The following MECOM variants were observed in gnomAD, a reference collection of about 807,000 sequenced individuals.
The protein encoded by MECOM is histone-lysine N-methyltransferase MECOM.
Under a neutral mutation model 116.3 loss-of-function variants are expected in MECOM, and 13 were observed. The observed-to-expected ratio is 0.11, with a 90% CI of 0.07 to 0.18. MECOM has a LOEUF of 0.18. Ranked by LOEUF, MECOM falls within the 10% of genes least tolerant of loss-of-function variation. The pLI, the probability that MECOM is intolerant of heterozygous loss-of-function variation, is 1.00. For missense variants in MECOM, 1,299 were observed against 1,509.0 expected (o/e 0.86, Z 2.31); for synonymous variants, 528 against 535.2 (o/e 0.99, Z 0.19).
At chr3:169,095,417 G>A (rs1576866450) in intron 12 of MECOM, among the ~76,000 whole-genome samples, 172 bp from the exon 13 acceptor site, 1 of 152,094 alleles carries the variant, frequency 6.6e-6, no homozygotes. Context: ...TACTCTGATT[G>A]CTTTAAAGAC....
At chr3:169,423,905 A>G (rs540473693) in intron 1 of MECOM, among the ~76,000 whole-genome samples, 1 of 152,274 alleles carries the variant, frequency 6.6e-6, no homozygotes, top group Non-Finnish European at 1.5e-5. Context: ...AAGAGGTAAT[A>G]TGTAATCTAG....
intron 2 of MECOM, among the ~76,000 whole-genome samples, chr3:169,244,757 G>A (rs1266080901): frequency 3.3e-5 from 5 of 152,088 alleles, no homozygotes; most frequent in Non-Finnish European, 7.3e-5. Flanking sequence ...AAGTTTGGTC[G>A]GCTTCAATTA....
At position 169,409,813 on chromosome 3, in the gene MECOM, A is replaced by C. The variant is rs574246125; in HGVS notation, c.38-28289T>G. Reference sequence around the variant, plus strand: ...GGATTCATGAGACAGAAGAGCATGCATCCATTGAAGCTAGGCTGATCATTA... The same window carrying C: ...GGATTCATGAGACAGAAGAGCATGCCTCCATTGAAGCTAGGCTGATCATTA... On this transcript the variant is annotated intron_variant, in intron 1 of 16. Coordinates refer to ENST00000651503, the MANE Select transcript of MECOM (RefSeq NM_004991.4). Among the ~76,000 whole-genome samples the C allele has an allele frequency of 2.6e-5, 4 of 152,346 alleles. No homozygotes were observed. The South Asian group carries it at 8.3e-4, about 32-fold the overall frequency.
intron 2 of MECOM, among the ~76,000 whole-genome samples, chr3:169,348,470 C>G (rs1725752084): frequency 1.3e-5 from 2 of 151,912 alleles, no homozygotes; most frequent in African/African-American, 2.4e-5. Context: ...TGACTCATAG[C>G]CTTAACTATG....
At chr3:169,262,705 C>T (rs370484884) in intron 2 of MECOM, among the ~76,000 whole-genome samples, 1 of 152,114 alleles carries the variant, frequency 6.6e-6, no homozygotes, top group Non-Finnish European at 1.5e-5. Context: ...GAAAGCCCCC[C>T]ACCACCTAGC....
chr3:169,120,643 T>G (rs1303969431), intron 7 of MECOM, among the ~76,000 whole-genome samples: 1 of 152,226 alleles, frequency 6.6e-6, no homozygotes. Context: ...CCAGGTGGGC[T>G]TCTTCCAGCT....
intron 2 of MECOM, among the ~76,000 whole-genome samples, chr3:169,299,861 T>A (rs1026997056): frequency 1.0e-4 from 15 of 148,602 alleles, no homozygotes; most frequent in Admixed American, 2.0e-4. Flanking sequence ...ATTGCATAAT[T>A]TTTTTTACAA....
chr3:169,127,815 G>T, intron 5 of MECOM, 29 bp downstream of exon 5: 1 of 1,588,158 alleles, frequency 6.3e-7, no homozygotes, highest in South Asian at 1.1e-5. Flanking sequence ...AAATACACAA[G>T]TTGTATGGTA....
chr3:169,504,663 A>G (rs753221323), intron 1 of MECOM, among the ~76,000 whole-genome samples: 12 of 152,080 alleles, frequency 7.9e-5, no homozygotes, highest in Admixed American at 3.3e-4. Context: ...GGCTGCCTAA[A>G]TGAGACTTGT....
intron 2 of MECOM, among the ~76,000 whole-genome samples, chr3:169,193,224 G>A (rs1398391704): frequency 1.3e-5 from 2 of 151,950 alleles, no homozygotes; most frequent in East Asian, 3.9e-4. Context: ...ACAAAGACTT[G>A]ACTTAATCAT....
intron 10 of MECOM, among the ~76,000 whole-genome samples, chr3:169,105,552 A>G (rs377281997): frequency 1.3e-4 from 20 of 152,210 alleles, no homozygotes; most frequent in Non-Finnish European, 2.9e-4. Context: ...GAAAAGAGCA[A>G]TATGTACTAC....
chr3:169,108,995 A>G lies in MECOM; in HGVS notation c.2578-1043T>C, dbSNP rs77789029. Among the ~76,000 whole-genome samples, 1,850 of 152,348 alleles carry G rather than the reference A, an allele frequency of 0.012. 80 individuals are homozygous for G. In the East Asian group the frequency reaches 0.13, roughly 11 times the overall value. ...TAACCAAAAATAATATTAAAAGTAT[A>G]GTAAAATCAAACCAAGGAATAATAG... On this transcript the variant is annotated intron_variant, in intron 9 of 16. Coordinates refer to ENST00000651503, the MANE Select transcript of MECOM (RefSeq NM_004991.4).
chr3:169,441,675 AT>A (rs1162795707), intron 1 of MECOM, among the ~76,000 whole-genome samples: 4 of 151,952 alleles, frequency 2.6e-5, no homozygotes, highest in Non-Finnish European at 5.9e-5. Context: ...GCAGATGGGA[AT>A]ATCAGAAATA....
At chr3:169,117,739 C>T (rs1021432463) in intron 7 of MECOM, among the ~76,000 whole-genome samples, 16 of 152,176 alleles carry the variant, frequency 1.1e-4, no homozygotes, top group African/African-American at 3.6e-4. Flanking sequence ...GAATCTTCCT[C>T]CTCACACATG....
At chr3:169,411,895 G>A (rs530744671) in intron 1 of MECOM, among the ~76,000 whole-genome samples, 11 of 152,268 alleles carry the variant, frequency 7.2e-5, no homozygotes, top group African/African-American at 2.6e-4. Flanking sequence ...GGAGGCCGAG[G>A]CAGGAGAATC....
At chr3:169,197,633 C>G (rs1748609631) in intron 2 of MECOM, among the ~76,000 whole-genome samples, 1 of 151,934 alleles carries the variant, frequency 6.6e-6, no homozygotes, top group South Asian at 2.1e-4. Context: ...AGAATTCTCT[C>G]TGTATATTAA....
At chr3:169,115,238 TA>T in intron 8 of MECOM, 144 bp downstream of exon 8, 4 of 887,482 alleles carry the variant, frequency 4.5e-6, no homozygotes, top group Non-Finnish European at 4.8e-6. Context: ...ACTTTCAGAA[TA>T]AAAAATGAGT....
intron 2 of MECOM, among the ~76,000 whole-genome samples, chr3:169,363,152 T>C (rs572879435): frequency 6.6e-6 from 1 of 152,098 alleles, no homozygotes; most frequent in South Asian, 2.1e-4. Context: ...TAGCCATTTT[T>C]TTCCCTCCTG....
chr3:169,142,852 C>T (rs962864807), intron 3 of MECOM, among the ~76,000 whole-genome samples: 4 of 151,862 alleles, frequency 2.6e-5, no homozygotes, highest in African/African-American at 9.7e-5. Flanking sequence ...TGCCAAGCAA[C>T]CACTTCAATA....
Sources: allele counts gnomAD v4.1 joint callset (sites outside exome capture counted in the v4.1 genomes callset), GRCh38; gene constraint gnomAD v4.1.1; transcripts MANE v1.5; gene names NCBI Gene and HGNC (gene_info 2026-07-23, HGNC 2026-07-21).